Variants in GALK1 observed in about 807,000 individuals in gnomAD.
The protein encoded by GALK1 is galactokinase 1.
Under a neutral mutation model 38.6 loss-of-function variants are expected in GALK1, and 30 were observed. The ratio of observed to expected loss-of-function variants is 0.78; its 90% CI spans 0.58 to 1.05. The LOEUF (loss-of-function observed/expected upper bound fraction) is 1.05. GALK1 is among the 50% of genes least tolerant of loss of function. The pLI is 0.00. For missense variants in GALK1, 512 were observed against 540.5 expected, an observed-to-expected ratio of 0.95 and a Z score of 0.52; for synonymous variants, 240 against 233.6, an observed-to-expected ratio of 1.03 and a Z score of -0.25.
intron 8 of GALK1, chr17:75,752,553 A>G (rs2061393139): frequency 6.2e-7 from 1 of 1,613,614 alleles, no homozygotes; most frequent in South Asian, 1.1e-5. Context: ...GGGCAGCCAG[A>G]GGCCCAGCGT....
At chr17:75,761,655 C>A (rs981597852) in intron 5 of GALK1, among the ~76,000 whole-genome samples, 1 of 149,348 alleles carries the variant, frequency 6.7e-6, no homozygotes, top group Non-Finnish European at 1.5e-5. Context: ...AGAGCCACAC[C>A]GAGATATGCC....
At position 75,758,503 on chromosome 17, in the gene GALK1, C is replaced by T. The variant is rs755103217; in HGVS notation, c.890G>A (p.Arg297His). 15 of 1,578,738 alleles carry T rather than the reference C, an allele frequency of 9.5e-6. No individual in the cohort carries two copies. The highest frequency in any genetic ancestry group is 4.6e-5 in the East Asian group (2 of 43,388). The stretch of plus-strand genomic sequence containing the variant: ...GCGGCCAAAGGCTCTGTAGTCGCCA[C>T]GTCTCAGGGCGGCCGCTGCCTGGGC... The part of the protein sequence containing the change: ...RTAQAAAALR[R>H]GDYRAFGRLM... Residue 297 changes from arginine (R) to histidine (H), a missense_variant, in exon 6 of 8, where the codon CGT (arginine) becomes CAT (histidine). Transcript: ENST00000588479.
intron 5 of GALK1, among the ~76,000 whole-genome samples, chr17:75,761,955 G>A (rs186956376): frequency 0.014 from 2,108 of 152,264 alleles, 173 homozygotes; most frequent in Admixed American, 0.13. Flanking sequence ...GGGAGGCAGA[G>A]GTTACAGTGA....
At chr17:75,752,562 G>C in intron 8 of GALK1, 1 of 1,613,574 alleles carries the variant, frequency 6.2e-7, no homozygotes, top group African/African-American at 1.3e-5. Context: ...GAGGCCCAGC[G>C]TCTCCGATGA....
At chr17:75,758,627 G>T in intron 5 of GALK1, 28 bp from the exon 6 acceptor site, 1 of 1,570,922 alleles carries the variant, frequency 6.4e-7, no homozygotes, top group Non-Finnish European at 8.6e-7. Flanking sequence ...GTCAGCAGCC[G>T]CCTTCTCACT....
At chr17:75,756,709 G>T, downstream of GALK1, 1 of 1,613,282 alleles carries the variant, frequency 6.2e-7, no homozygotes, top group Non-Finnish European at 8.5e-7. Context: ...CCCAGGCTCC[G>T]CCTTCACTTT....
chr17:75,763,426 A>G lies in GALK1; in HGVS notation c.369T>C (p.Pro123=), dbSNP rs1303520004. 4.4e-6 allele frequency: 7 copies of G among 1,605,074 alleles called. No homozygotes were observed. Among genetic ancestry groups the G allele is most frequent in the Non-Finnish European group, 6.0e-6 (7 of 1,176,098 alleles). Residue 123 remains proline, a synonymous_variant, in exon 3 of 8, where the codon CCT becomes CCC. Coordinates refer to ENST00000588479, the MANE Select transcript of GALK1 (RefSeq NM_000154.2). ...AGCTGACCACCACTGCACTGAAGCC[A>G]GGGAGGGGGGCAGCTGCAGGGGAAA... ...VIQYYPAAPL[P]GFSAVVVSSV...
chr17:75,753,879 C>T, downstream of GALK1: 3 of 1,330,252 alleles, frequency 2.3e-6, no homozygotes, highest in Admixed American at 7.0e-5. Flanking sequence ...GGGCGCTCCT[C>T]CGACGCCGAG....
downstream of GALK1, chr17:75,756,701 C>T: frequency 6.2e-7 from 1 of 1,613,480 alleles, no homozygotes; most frequent in Non-Finnish European, 8.5e-7. Flanking sequence ...CTACTGCCCC[C>T]AGGCTCCGCC....
chr17:75,758,141 G>T lies in GALK1; in HGVS notation c.1108-14C>A, dbSNP rs919574313. ...GCCGTAGTGCTCCTGTAAGAGGCGG[G>T]CTGGGGGTGAGTGGCAGGGCCCCGG... On this transcript the variant is annotated splice_polypyrimidine_tract_variant and intron_variant, in intron 7 of 7. Transcript: ENST00000588479. 3 of 1,612,412 alleles carry T rather than the reference G, an allele frequency of 1.9e-6. No homozygotes were observed. The highest frequency in any genetic ancestry group is 2.5e-6 in the Non-Finnish European group (3 of 1,179,822).
chr17:75,754,971 CAT>C (rs1164641382), downstream of GALK1: 9 of 1,534,104 alleles, frequency 5.9e-6, no homozygotes, highest in East Asian at 6.9e-5. Flanking sequence ...CGCATGCACA[CAT>C]GTACACAGAC....
downstream of GALK1, chr17:75,757,575 C>G (rs371393052): frequency 6.2e-7 from 1 of 1,613,266 alleles, no homozygotes; most frequent in Non-Finnish European, 8.5e-7. Flanking sequence ...GCCCCACCCC[C>G]GCCACGTCCC....
rs1481433443 is a variant in GALK1, at chr17:75,758,511, G to A, written c.882C>T (p.Ala294=). 5 of 1,580,420 alleles carry A rather than the reference G, an allele frequency of 3.2e-6. No individual in the cohort carries two copies. The East Asian group carries it at 6.9e-5, about 22-fold the overall frequency. ...EIRRTAQAAA[A]LRRGDYRAFG... ...AGGCTCTGTAGTCGCCACGTCTCAG[G>A]GCGGCCGCTGCCTGGGCCGTGCGCC... Residue 294 remains alanine (A), a synonymous_variant, in exon 6 of 8, where the codon GCC becomes GCT. Coordinates refer to ENST00000588479, the MANE Select transcript of GALK1 (RefSeq NM_000154.2).
chr17:75,762,027 A>C (rs1292926132), intron 5 of GALK1, among the ~76,000 whole-genome samples: 1 of 152,216 alleles, frequency 6.6e-6, no homozygotes, highest in Admixed American at 6.5e-5. Context: ...TGTCCAAAAA[A>C]AAAACACGGC....
At chr17:75,757,095 T>A (rs1461328731), downstream of GALK1, 1 of 1,611,250 alleles carries the variant, frequency 6.2e-7, no homozygotes, top group South Asian at 1.1e-5. Flanking sequence ...CACCATAGAG[T>A]CCCAGGATGG....
chr17:75,755,986 G>A, downstream of GALK1: 2 of 1,100,792 alleles, frequency 1.8e-6, no homozygotes, highest in South Asian at 1.4e-5. Context: ...CAGCCTGAGA[G>A]GGTCTCCCAC....
At position 75,758,290 on chromosome 17, in the gene GALK1, T is replaced by A; in HGVS notation, c.1027A>T (p.Met343Leu). ...LAVPGVYGSR[M>L]TGGGFGGCTV... is the part of the protein sequence containing the mutation. ...CAGCCACCGAAGCCACCGCCCGTCA[T>A]GCGGCTGCCATAAACCCCAGGCACA... The change falls in exon 7 of 8, where the codon ATG becomes TTG. Residue 343 changes from methionine to leucine, a missense_variant. By Grantham distance (15) the Met-to-Leu change is conservative (BLOSUM62 2). Transcript: ENST00000588479. The A allele has an allele frequency of 6.3e-7, 1 of 1,591,314 alleles. No individual in the cohort carries two copies. Among genetic ancestry groups the A allele is most frequent in the Non-Finnish European group, 8.5e-7 (1 of 1,169,994 alleles).
chr17:75,756,601 A>T, downstream of GALK1: 2 of 1,612,820 alleles, frequency 1.2e-6, no homozygotes, highest in Non-Finnish European at 1.7e-6. Flanking sequence ...CGCAGAGCCC[A>T]CTGTGTCCCC....
chr17:75,756,906 G>A (rs907998917), downstream of GALK1: 2 of 1,612,130 alleles, frequency 1.2e-6, no homozygotes, highest in Non-Finnish European at 8.5e-7. Context: ...GGGGTAAAGA[G>A]GGGGCCGCAG....
Sources: allele counts gnomAD v4.1 joint callset (sites outside exome capture counted in the v4.1 genomes callset), GRCh38; gene constraint gnomAD v4.1.1; transcripts MANE v1.5; gene names NCBI Gene and HGNC (gene_info 2026-07-23, HGNC 2026-07-21).